MBNL2: variants seen among roughly 807,000 people sequenced by gnomAD.
MBNL2 encodes the protein muscleblind-like protein 2.
Under a neutral mutation model 41.9 loss-of-function variants are expected in MBNL2, and 17 were observed. The observed-to-expected ratio is 0.41, with a 90% CI of 0.28 to 0.61. The LOEUF is 0.61. Ranked by LOEUF, MBNL2 falls within the 20% of genes least tolerant of loss-of-function variation. MBNL2 has a pLI of 0.35. For missense variants in MBNL2, 336 were observed against 505.6 expected (o/e 0.66, Z 3.22); for synonymous variants, 195 against 182.9 (o/e 1.07, Z -0.53).
intron 2 of MBNL2, among the ~76,000 whole-genome samples, chr13:97,293,558 G>A (rs964438578): frequency 4.6e-5 from 7 of 152,076 alleles, no homozygotes; most frequent in African/African-American, 1.4e-4. Context: ...AATAATTCAA[G>A]TGCTTTGTGC....
the MBNL2 span, among the ~76,000 whole-genome samples, chr13:97,211,151 T>C: frequency 6.6e-6 from 1 of 152,356 alleles, no homozygotes; most frequent in Admixed American, 6.5e-5. Context: ...AAGCCTTGTC[T>C]TGCTGTCTGC....
intron 2 of MBNL2, among the ~76,000 whole-genome samples, chr13:97,305,325 C>T (rs2058027758): frequency 6.6e-6 from 1 of 152,162 alleles, no homozygotes; most frequent in Non-Finnish European, 1.5e-5. Context: ...CAATCTACTA[C>T]TTGGAAATAA....
chr13:97,203,425 C>T, the MBNL2 span, among the ~76,000 whole-genome samples: 1 of 152,178 alleles, frequency 6.6e-6, no homozygotes, highest in Admixed American at 6.6e-5. Flanking sequence ...CACCCCATCC[C>T]ACATTGCTAC....
At chr13:97,195,049 G>A in the MBNL2 span, among the ~76,000 whole-genome samples, 35 of 152,018 alleles carry the variant, frequency 2.3e-4, no homozygotes, top group African/African-American at 8.0e-4. Context: ...AAAGTTGCTC[G>A]CACTTTATTC....
chr13:97,211,556 G>A, the MBNL2 span, among the ~76,000 whole-genome samples: 1 of 152,168 alleles, frequency 6.6e-6, no homozygotes, highest in Non-Finnish European at 1.5e-5. Flanking sequence ...GATCTATAAA[G>A]CTGTGGCTTG....
At chr13:97,155,625 C>T in the MBNL2 span, among the ~76,000 whole-genome samples, 1 of 150,612 alleles carries the variant, frequency 6.6e-6, no homozygotes, top group Non-Finnish European at 1.5e-5. Flanking sequence ...CAATTCCCAC[C>T]TATGAGTGAG....
At chr13:97,310,917 G>T (rs906320337) in intron 2 of MBNL2, among the ~76,000 whole-genome samples, 7 of 151,724 alleles carry the variant, frequency 4.6e-5, no homozygotes, top group African/African-American at 1.7e-4. Flanking sequence ...GGCAGTTAAG[G>T]TAAAAAGAAA....
the MBNL2 span, among the ~76,000 whole-genome samples, chr13:97,146,001 T>G: frequency 7.1e-6 from 1 of 140,958 alleles, no homozygotes; most frequent in Non-Finnish European, 1.6e-5. Flanking sequence ...TTTCTTTTCT[T>G]TGAAACGGAG....
chr13:97,164,296 C>T, the MBNL2 span, among the ~76,000 whole-genome samples: 2 of 152,236 alleles, frequency 1.3e-5, no homozygotes, highest in African/African-American at 4.8e-5. Flanking sequence ...GCATGAGCCA[C>T]CGCACCCAGT....
At chr13:97,319,987 C>A (rs1267095206) in intron 2 of MBNL2, among the ~76,000 whole-genome samples, 1 of 152,056 alleles carries the variant, frequency 6.6e-6, no homozygotes, top group African/African-American at 2.4e-5. Context: ...TACCTAAGAT[C>A]ATGAAAAAAA....
the MBNL2 span, among the ~76,000 whole-genome samples, chr13:97,201,976 A>G: frequency 6.6e-6 from 1 of 152,244 alleles, no homozygotes; most frequent in African/African-American, 2.4e-5. Context: ...TATTACACCT[A>G]AAAGATTATG....
intron 2 of MBNL2, among the ~76,000 whole-genome samples, chr13:97,329,755 C>G (rs1197244056): frequency 1.4e-3 from 1 of 722 alleles, no homozygotes; most frequent in African/African-American, 8.6e-3. Context: ...ATACATACTA[C>G]ACACACAGCA....
At chr13:97,310,924 G>C (rs2058547567) in intron 2 of MBNL2, among the ~76,000 whole-genome samples, 1 of 151,728 alleles carries the variant, frequency 6.6e-6, no homozygotes, top group Middle Eastern at 3.4e-3. Flanking sequence ...AAGGTAAAAA[G>C]AAAAACATGT....
intron 1 of MBNL2, among the ~76,000 whole-genome samples, chr13:97,250,858 A>AG (rs1312064609): frequency 6.6e-6 from 1 of 152,140 alleles, no homozygotes; most frequent in African/African-American, 2.4e-5. Context: ...GATAGTATGG[A>AG]GGGAGTTTTA....
intron 2 of MBNL2, among the ~76,000 whole-genome samples, chr13:97,285,307 C>T (rs928308792): frequency 1.3e-5 from 2 of 152,244 alleles, no homozygotes; most frequent in Middle Eastern, 3.4e-3. Context: ...TTCATTCATT[C>T]GTTCTCTCTT....
intron 8 of MBNL2, among the ~76,000 whole-genome samples, chr13:97,369,296 T>A (rs1191423214): frequency 6.6e-6 from 1 of 152,188 alleles, no homozygotes; most frequent in Non-Finnish European, 1.5e-5. Context: ...CATTTAAACA[T>A]AATGAATCTC....
At chr13:97,209,849 G>A in the MBNL2 span, among the ~76,000 whole-genome samples, 23 of 152,188 alleles carry the variant, frequency 1.5e-4, no homozygotes, top group Admixed American at 1.5e-3. Context: ...AGGCTGCAGT[G>A]CAGTGGCACG....
intron 8 of MBNL2, among the ~76,000 whole-genome samples, chr13:97,373,609 T>A (rs916124093): frequency 5.3e-5 from 8 of 149,780 alleles, no homozygotes; most frequent in Admixed American, 5.3e-4. Context: ...GCTAAAAATA[T>A]ATATATATAT....
intron 8 of MBNL2, among the ~76,000 whole-genome samples, chr13:97,384,304 G>C (rs1261666841): frequency 1.3e-5 from 2 of 152,144 alleles, no homozygotes; most frequent in Non-Finnish European, 2.9e-5. Flanking sequence ...TTTTTTATCT[G>C]ATACCATATA....
Sources: allele counts gnomAD v4.1 joint callset (sites outside exome capture counted in the v4.1 genomes callset), GRCh38; gene constraint gnomAD v4.1.1; transcripts MANE v1.5; gene names NCBI Gene and HGNC (gene_info 2026-07-23, HGNC 2026-07-21).